Variants in GFRA1 observed in about 807,000 individuals in gnomAD.
GFRA1 encodes the protein GDNF family receptor alpha 1, also known as GDNF family receptor alpha-1.
A neutral mutation model predicts 51.6 loss-of-function variants in GFRA1; 16 were observed. The observed-to-expected ratio is 0.31, with a 90% CI of 0.21 to 0.47. The LOEUF is 0.47. GFRA1 is among the 20% of genes least tolerant of loss of function. The pLI, the probability that GFRA1 is intolerant of heterozygous loss-of-function variation, is 1.00. For missense variants in GFRA1, 530 were observed against 594.3 expected (o/e 0.89, Z 1.13); for synonymous variants, 270 against 241.3 (o/e 1.12, Z -1.10).
intron 5 of GFRA1, among the ~76,000 whole-genome samples, chr10:116,202,972 C>T (rs779719242): frequency 2.0e-5 from 3 of 152,036 alleles, no homozygotes; most frequent in Non-Finnish European, 4.4e-5. Context: ...TAGGGGCAGC[C>T]GTGGATGAGC....
chr10:116,077,816 G>T (rs1955682685), intron 9 of GFRA1, among the ~76,000 whole-genome samples: 1 of 152,206 alleles, frequency 6.6e-6, no homozygotes, highest in Admixed American at 6.5e-5. Context: ...GGGACAGCTT[G>T]TCCTCCATGG....
intron 4 of GFRA1, among the ~76,000 whole-genome samples, chr10:116,250,800 G>A (rs925346208): frequency 6.6e-6 from 1 of 152,220 alleles, no homozygotes; most frequent in Non-Finnish European, 1.5e-5. Context: ...CTGAGCCCTG[G>A]TGGTGGCCTG....
At position 116,271,255 on chromosome 10, in the gene GFRA1, T is replaced by G. The variant is rs1565695223; in HGVS notation, c.41-140A>C. 9 of 637,430 alleles carry G rather than the reference T, an allele frequency of 1.4e-5. No individual in the cohort carries two copies. The East Asian group carries it at 2.5e-4, about 18-fold the overall frequency. 39.5% of individuals were successfully genotyped at this position (637,430 alleles called of 1,614,324 possible). On this transcript the variant is annotated intron_variant, in intron 2 of 10. Transcript: ENST00000355422. ...CCTGCTCTGGGAGCGGGTCCACCTC[T>G]CGACCATCCGGGAGTCCATTTTCCC...
chr10:116,165,687 A>ACACC (rs1278796028), intron 5 of GFRA1, among the ~76,000 whole-genome samples: 2 of 150,558 alleles, frequency 1.3e-5, no homozygotes, highest in Admixed American at 6.6e-5. Flanking sequence ...ACACACACAC[A>ACACC]CTCACAAGAG....
chr10:116,100,446 C>T (rs1956774360), intron 6 of GFRA1, among the ~76,000 whole-genome samples: 2 of 152,206 alleles, frequency 1.3e-5, no homozygotes, highest in African/African-American at 4.8e-5. Flanking sequence ...TCATTCTCAA[C>T]TGCTGCACTT....
chr10:116,057,990 T>TGTGTG lies in GFRA1; in HGVS notation c.*6407_*6408insCACAC, dbSNP rs1286921915. 2.3e-5 allele frequency: 3 copies of TGTGTG among 129,028 alleles called. No individual in the cohort carries two copies. In the East Asian group the frequency reaches 7.9e-4, roughly 34 times the overall value. The allele number at this position is 129,028 out of a possible 1,614,324, so 8.0% of individuals were successfully genotyped here. A position where few individuals can be genotyped will look rare whatever the true frequency, so the allele number is the denominator to read the frequency against. On this transcript the variant is annotated 3_prime_UTR_variant, in exon 11 of 11. Coordinates refer to ENST00000355422, the MANE Select transcript of GFRA1 (RefSeq NM_005264.8). ...GCTGGATCATATAGCCCTCCAATCA[T>TGTGTG]TGTGTGTGTGTGTGTGTGTGTGTGT...
chr10:116,170,183 T>C (rs559685108), intron 5 of GFRA1, among the ~76,000 whole-genome samples: 1 of 152,278 alleles, frequency 6.6e-6, no homozygotes, highest in South Asian at 2.1e-4. Context: ...AGGAAGAGAC[T>C]CACCACCATG....
At chr10:116,088,920 CAAAAAAAAAAAAAAAAA>C (rs58590152) in intron 9 of GFRA1, among the ~76,000 whole-genome samples, 3 of 49,052 alleles carry the variant, frequency 6.1e-5, no homozygotes, top group South Asian at 1.4e-3. Flanking sequence ...GACTCTGTCT[CAAAAAAAAAAAAAAAAA>C]AAAAAAAAAA....
chr10:116,107,350 A>G (rs935764458), intron 6 of GFRA1, among the ~76,000 whole-genome samples: 1 of 152,178 alleles, frequency 6.6e-6, no homozygotes, highest in Admixed American at 6.5e-5. Context: ...GGGAGAGATG[A>G]CCATGCTGGA....
At chr10:116,169,757 C>T (rs926636018) in intron 5 of GFRA1, among the ~76,000 whole-genome samples, 3 of 152,196 alleles carry the variant, frequency 2.0e-5, no homozygotes, top group Admixed American at 1.3e-4. Flanking sequence ...CACCATCCTT[C>T]AAGTCCATGT....
At chr10:116,236,853 G>A (rs1966905331) in intron 4 of GFRA1, among the ~76,000 whole-genome samples, 1 of 152,146 alleles carries the variant, frequency 6.6e-6, no homozygotes, top group African/African-American at 2.4e-5. Context: ...ACAGGAAAAG[G>A]TTACTTCTTA....
chr10:116,271,222 G>C lies in GFRA1; in HGVS notation c.41-107C>G, dbSNP rs537847861. ...GGTCAGGGATGCTTGACCAGCCTTC[G>C]GGGGCGCCCTGCTCTGGGAGCGGGT... On this transcript the variant is annotated intron_variant, in intron 2 of 10. Coordinates refer to ENST00000355422, the MANE Select transcript of GFRA1 (RefSeq NM_005264.8). 5.5e-4 allele frequency: 480 copies of C among 879,754 alleles called. 3 individuals carry two copies. In the African/African-American group the frequency reaches 6.5e-3, roughly 12 times the overall value. The allele number at this position is 879,754 out of a possible 1,614,324, so 54.5% of individuals were successfully genotyped here. A position where few individuals can be genotyped will look rare whatever the true frequency, so the allele number is the denominator to read the frequency against.
At chr10:116,119,512 T>C (rs533714185) in intron 6 of GFRA1, among the ~76,000 whole-genome samples, 1 of 152,330 alleles carries the variant, frequency 6.6e-6, no homozygotes, top group South Asian at 2.1e-4. Flanking sequence ...TAATTGCTGA[T>C]TTCCATTTGT....
At chr10:116,196,944 CTCT>C (rs141905594) in intron 5 of GFRA1, among the ~76,000 whole-genome samples, 20,982 of 149,504 alleles carry the variant, frequency 0.14, 1,884 homozygotes, top group Admixed American at 0.25. Flanking sequence ...TAGGAAGTCA[CTCT>C]TCTTTGCTTC....
At chr10:116,206,988 C>G (rs1336057527) in intron 5 of GFRA1, among the ~76,000 whole-genome samples, 1 of 152,156 alleles carries the variant, frequency 6.6e-6, no homozygotes, top group African/African-American at 2.4e-5. Context: ...TCTGCTTTCA[C>G]CCAGGTTATC....
intron 5 of GFRA1, among the ~76,000 whole-genome samples, chr10:116,181,593 C>T (rs528663866): frequency 6.6e-6 from 1 of 152,094 alleles, no homozygotes; most frequent in East Asian, 1.9e-4. Flanking sequence ...GAAGCAGAGG[C>T]AGTGAGCTAG....
At position 116,063,012 on chromosome 10, in the gene GFRA1, A is replaced by C. The variant is rs1954896391; in HGVS notation, c.*1386T>G. 1 of 152,210 alleles carries C rather than the reference A, an allele frequency of 6.6e-6. No homozygotes were observed. Among genetic ancestry groups the C allele is most frequent in the Admixed American group, 6.5e-5 (1 of 15,276 alleles). 9.4% of individuals were successfully genotyped at this position (152,210 alleles called of 1,614,324 possible). On this transcript the variant is annotated 3_prime_UTR_variant, in exon 11 of 11. Transcript: ENST00000355422. ...TGAAACAAGATGCAAGCAGATCCTT[A>C]ATGACCTTCAGACCAAACTGCTCCA...
chr10:116,202,141 C>T (rs1407317257), intron 5 of GFRA1, among the ~76,000 whole-genome samples: 2 of 152,150 alleles, frequency 1.3e-5, no homozygotes, highest in African/African-American at 2.4e-5. Flanking sequence ...AAATAAAAGA[C>T]AAGCTCCATC....
At chr10:116,196,335 A>T (rs1177735274) in intron 5 of GFRA1, among the ~76,000 whole-genome samples, 2 of 150,680 alleles carry the variant, frequency 1.3e-5, no homozygotes, top group Non-Finnish European at 2.9e-5. Context: ...TAAAAATACA[A>T]ATAATTTGCC....
Sources: allele counts gnomAD v4.1 joint callset (sites outside exome capture counted in the v4.1 genomes callset), GRCh38; gene constraint gnomAD v4.1.1; transcripts MANE v1.5; gene names NCBI Gene and HGNC (gene_info 2026-07-23, HGNC 2026-07-21).